ACO1: variants seen among roughly 807,000 people sequenced by gnomAD.
The protein encoded by ACO1 is aconitase 1.
In ACO1, 78 loss-of-function variants were observed where a neutral mutation model predicts 105.1. The observed-to-expected ratio is 0.74, with a 90% confidence interval of 0.62 to 0.90. ACO1 has a LOEUF of 0.90. ACO1 is among the 40% of genes least tolerant of loss of function. The pLI, the probability that ACO1 is intolerant of heterozygous loss-of-function variation, is 0.00. For missense variants in ACO1, 965 were observed against 1,111.1 expected, an observed-to-expected ratio of 0.87 and a Z score of 1.87; for synonymous variants, 364 against 397.4, an observed-to-expected ratio of 0.92 and a Z score of 1.00.
At chr9:32,433,989 G>A (rs527667371) in intron 16 of ACO1, among the ~76,000 whole-genome samples, 157 bp downstream of exon 16, 1 of 152,236 alleles carries the variant, frequency 6.6e-6, no homozygotes, top group African/African-American at 2.4e-5. Context: ...TGGGAGGCTG[G>A]GATATTTGGC....
chr9:32,431,745 T>C lies in ACO1; in HGVS notation c.1753T>C (p.Phe585Leu). Residue 585 changes from phenylalanine (F) to leucine (L), a missense_variant, in exon 15 of 21, where the codon TTT becomes CTT. Physicochemically the swap from Phe to Leu is conservative, Grantham distance 22. Transcript: ENST00000309951. ...LGVNAKGQQV[F>L]LKDIWPTRDE... Reference sequence around the variant, plus strand: ...AGTAAATGCAAAGGGACAGCAGGTATTTCTGAAAGATATCTGGCCGACTAG... The same window carrying C: ...AGTAAATGCAAAGGGACAGCAGGTACTTCTGAAAGATATCTGGCCGACTAG... The C allele has an allele frequency of 6.2e-7, 1 of 1,614,136 alleles. No homozygotes were observed.
At chr9:32,394,293 C>A (rs971934091) in intron 1 of ACO1, among the ~76,000 whole-genome samples, 1 of 152,144 alleles carries the variant, frequency 6.6e-6, no homozygotes, top group African/African-American at 2.4e-5. Context: ...GGTGCTTTTC[C>A]CTGGTGGTTC....
intron 1 of ACO1, among the ~76,000 whole-genome samples, chr9:32,399,067 A>G (rs1264398503): frequency 6.6e-6 from 1 of 152,182 alleles, no homozygotes; most frequent in Non-Finnish European, 1.5e-5. Flanking sequence ...GCACCCAAGC[A>G]TGGGGTCAAA....
intron 4 of ACO1, among the ~76,000 whole-genome samples, chr9:32,414,076 C>T (rs1405359300): frequency 6.6e-6 from 1 of 152,144 alleles, no homozygotes; most frequent in Non-Finnish European, 1.5e-5. Flanking sequence ...TGGCGTGAAC[C>T]CAGGAGGCGG....
chr9:32,448,613 T>G (rs1587561738), intron 19 of ACO1, among the ~76,000 whole-genome samples: 1 of 152,140 alleles, frequency 6.6e-6, no homozygotes, highest in African/African-American at 2.4e-5. Context: ...GAGAGGAAGT[T>G]TCCTGACCCT....
At chr9:32,387,123 T>A (rs115355943) in intron 1 of ACO1, among the ~76,000 whole-genome samples, 1 of 152,128 alleles carries the variant, frequency 6.6e-6, no homozygotes, top group African/African-American at 2.4e-5. Context: ...TTTCCCCCAC[T>A]CTTCCTTCTA....
At chr9:32,400,021 A>T (rs1821460560) in intron 1 of ACO1, among the ~76,000 whole-genome samples, 1 of 114,388 alleles carries the variant, frequency 8.7e-6, no homozygotes. Flanking sequence ...CCCAGGCTGG[A>T]GTGCAATGGC....
At chr9:32,391,417 A>G (rs1361241880) in intron 1 of ACO1, among the ~76,000 whole-genome samples, 16 of 152,342 alleles carry the variant, frequency 1.1e-4, no homozygotes, top group Non-Finnish European at 2.2e-4. Context: ...CCATAGACCT[A>G]TTGAAACAAT....
In ACO1 at chr9:32,450,108, G is replaced by C. The variant is rs769042394; in HGVS notation, c.2667G>C (p.Lys889Asn). The C allele has an allele frequency of 2.5e-6, 4 of 1,612,274 alleles. No homozygotes were observed. Among genetic ancestry groups the C allele is most frequent in the Non-Finnish European group, 3.4e-6 (4 of 1,178,888 alleles). The change falls in exon 21 of 21, where the codon AAG (lysine) becomes AAC (asparagine). Residue 889 changes from lysine (K) to asparagine (N), a missense_variant. Physicochemically the swap from Lys to Asn is moderately conservative, Grantham distance 94. Coordinates refer to ENST00000309951, the MANE Select transcript of ACO1 (RefSeq NM_002197.3). ...ACTACATGATCCGCAAGATGGCCAA[G>C]TAGGAGACGTGCACTTGGTGCTGCG... ...ILNYMIRKMA[K>N]
chr9:32,424,514 T>C, intron 9 of ACO1, 35 bp from the exon 10 acceptor site: 1 of 1,454,424 alleles, frequency 6.9e-7, no homozygotes, highest in African/African-American at 1.4e-5. Flanking sequence ...GGGTATAATG[T>C]AAATTCTATA....
intron 1 of ACO1, among the ~76,000 whole-genome samples, chr9:32,398,334 C>T (rs530768872): frequency 6.6e-6 from 1 of 152,280 alleles, no homozygotes; most frequent in Non-Finnish European, 1.5e-5. Flanking sequence ...TTCCAAACAT[C>T]TCTACAAATC....
At chr9:32,405,654 G>T in intron 2 of ACO1, 51 bp downstream of exon 2, 1 of 1,310,244 alleles carries the variant, frequency 7.6e-7, no homozygotes, top group Non-Finnish European at 1.1e-6. Context: ...ACAATGATTA[G>T]GCTATGTAAT....
chr9:32,393,748 C>A (rs780921052), intron 1 of ACO1, among the ~76,000 whole-genome samples: 1 of 152,002 alleles, frequency 6.6e-6, no homozygotes, highest in Admixed American at 6.6e-5. Flanking sequence ...TCAGACCGGC[C>A]GACACTTAGG....
At chr9:32,388,021 T>C (rs1264131287) in intron 1 of ACO1, among the ~76,000 whole-genome samples, 1 of 152,164 alleles carries the variant, frequency 6.6e-6, no homozygotes, top group African/African-American at 2.4e-5. Flanking sequence ...GACTCCATAG[T>C]AGGTTGTTTA....
chr9:32,394,103 A>G (rs1821321500), intron 1 of ACO1, among the ~76,000 whole-genome samples: 2 of 152,116 alleles, frequency 1.3e-5, no homozygotes, highest in Admixed American at 1.3e-4. Flanking sequence ...TACTTTATCC[A>G]CGTGCAACAC....
At chr9:32,444,717 G>C (rs1211304114) in intron 19 of ACO1, among the ~76,000 whole-genome samples, 1 of 152,138 alleles carries the variant, frequency 6.6e-6, no homozygotes, top group Non-Finnish European at 1.5e-5. Flanking sequence ...AATGCTTCCA[G>C]TTTTTGCCCA....
chr9:32,440,314 G>T (rs1822448644), intron 18 of ACO1, 151 bp from the exon 19 acceptor site: 5 of 719,628 alleles, frequency 6.9e-6, no homozygotes, highest in East Asian at 5.6e-5. Context: ...GAAGTAAAAA[G>T]ATCAAGATAA....
intron 1 of ACO1, among the ~76,000 whole-genome samples, chr9:32,402,922 C>T (rs891079101): frequency 6.6e-6 from 1 of 152,214 alleles, no homozygotes; most frequent in Non-Finnish European, 1.5e-5. Context: ...CTATTACTTT[C>T]TACTGACCTG....
At position 32,407,437 on chromosome 9, in the gene ACO1, T is replaced by A; in HGVS notation, c.266+8T>A. 1 of 1,608,336 alleles carries A rather than the reference T, an allele frequency of 6.2e-7. No homozygotes were observed. The highest frequency in any genetic ancestry group is 8.5e-7 in the Non-Finnish European group (1 of 1,175,586). ...CATCCTGCAGGACTTTACGTGAGCCTAATGTCACTTCACTCTCCTTTGCCT... is the reference window on the plus strand; with the variant it reads ...CATCCTGCAGGACTTTACGTGAGCCAAATGTCACTTCACTCTCCTTTGCCT... On this transcript the variant is annotated splice_region_variant and intron_variant, in intron 3 of 20. Coordinates refer to ENST00000309951, the MANE Select transcript of ACO1 (RefSeq NM_002197.3).
Sources: gnomAD v4.1 joint callset for allele counts (sites outside exome capture counted in the v4.1 genomes callset) on GRCh38, gnomAD v4.1.1 for gene constraint, MANE v1.5 for transcripts, NCBI Gene and HGNC (gene_info 2026-07-23, HGNC 2026-07-21) for gene names.